The following FBXL20 variants were observed in gnomAD, a reference collection of about 807,000 sequenced individuals.
FBXL20 encodes the protein F-box and leucine rich repeat protein 20.
In FBXL20, 11 loss-of-function variants were observed where a neutral mutation model predicts 64.0. The observed-to-expected ratio is 0.17, with a 90% CI of 0.11 to 0.28. FBXL20 has a LOEUF of 0.28. Ranked by LOEUF, FBXL20 falls within the 10% of genes least tolerant of loss-of-function variation. The pLI is 1.00. For missense variants in FBXL20, 303 were observed against 526.2 expected (o/e 0.58, Z 4.15); for synonymous variants, 184 against 189.0 (o/e 0.97, Z 0.22).
intron 12 of FBXL20, among the ~76,000 whole-genome samples, chr17:39,267,040 G>T (rs1462888076): frequency 2.0e-5 from 3 of 152,056 alleles, no homozygotes; most frequent in Non-Finnish European, 4.4e-5. Flanking sequence ...ATCACCTGAA[G>T]TCAGGAGTTC....
intron 1 of FBXL20, among the ~76,000 whole-genome samples, chr17:39,387,445 A>C (rs1289649728): frequency 6.6e-6 from 1 of 151,740 alleles, no homozygotes; most frequent in South Asian, 2.1e-4. Context: ...ATACCTGGCT[A>C]ATTTTTGTAT....
At chr17:39,376,097 C>T (rs562486844) in intron 1 of FBXL20, among the ~76,000 whole-genome samples, 15 of 151,966 alleles carry the variant, frequency 9.9e-5, no homozygotes, top group Non-Finnish European at 1.9e-4. Context: ...CCAGCCTGGG[C>T]GACAGTGTGA....
At chr17:39,323,613 C>G (rs888474645) in intron 2 of FBXL20, among the ~76,000 whole-genome samples, 1 of 152,112 alleles carries the variant, frequency 6.6e-6, no homozygotes, top group Non-Finnish European at 1.5e-5. Flanking sequence ...AAGAATACTA[C>G]TGACTTAATT....
At chr17:39,366,974 CT>C (rs1293536171) in intron 1 of FBXL20, among the ~76,000 whole-genome samples, 1 of 151,664 alleles carries the variant, frequency 6.6e-6, no homozygotes. Context: ...AGCTCTGCCC[CT>C]GGGTTCACGC....
At chr17:39,303,696 ATTTAT>A in intron 2 of FBXL20, 57 bp from the exon 3 acceptor site, 1 of 1,474,434 alleles carries the variant, frequency 6.8e-7, no homozygotes, top group East Asian at 2.4e-5. Flanking sequence ...GTTGACCTTT[ATTTAT>A]TTTGAGACAG....
At chr17:39,305,009 C>CA (rs1311644163) in intron 2 of FBXL20, among the ~76,000 whole-genome samples, 2 of 152,090 alleles carry the variant, frequency 1.3e-5, no homozygotes, top group Non-Finnish European at 2.9e-5. Flanking sequence ...CGCCCTGTCT[C>CA]AGCCTCCCAA....
upstream of FBXL20, chr17:39,402,225 C>T (rs1282094333): frequency 2.4e-6 from 3 of 1,232,046 alleles, no homozygotes; most frequent in Non-Finnish European, 2.0e-6. Context: ...AGCCATTTTC[C>T]TCCTCTTCTG....
chr17:39,318,746 AAC>A (rs2047321038), intron 2 of FBXL20, among the ~76,000 whole-genome samples: 1 of 152,060 alleles, frequency 6.6e-6, no homozygotes, highest in South Asian at 2.1e-4. Flanking sequence ...ATCTTAAACA[AAC>A]AAACAAACAA....
At chr17:39,335,084 T>C (rs1487957814) in intron 2 of FBXL20, among the ~76,000 whole-genome samples, 1 of 152,208 alleles carries the variant, frequency 6.6e-6, no homozygotes, top group East Asian at 1.9e-4. Flanking sequence ...TTCCCAGGCA[T>C]TGTGAAGACC....
At chr17:39,351,074 C>G (rs575773864) in intron 1 of FBXL20, among the ~76,000 whole-genome samples, 2 of 152,170 alleles carry the variant, frequency 1.3e-5, no homozygotes, top group East Asian at 3.9e-4. Context: ...GTGGCTCACG[C>G]CTGTAATCCC....
At chr17:39,310,378 C>T (rs969256165) in intron 2 of FBXL20, among the ~76,000 whole-genome samples, 2 of 151,952 alleles carry the variant, frequency 1.3e-5, no homozygotes, top group African/African-American at 4.8e-5. Flanking sequence ...GCCATGCATG[C>T]CTGAAGACTT....
intron 10 of FBXL20, among the ~76,000 whole-genome samples, chr17:39,274,344 G>A (rs192091135): frequency 4.0e-4 from 61 of 152,266 alleles, no homozygotes; most frequent in Non-Finnish European, 8.5e-4. Context: ...ATTGAGGCAG[G>A]CATACACAAC....
intron 2 of FBXL20, among the ~76,000 whole-genome samples, chr17:39,310,566 G>A (rs551530292): frequency 5.6e-4 from 85 of 152,166 alleles, no homozygotes; most frequent in African/African-American, 1.9e-3. Flanking sequence ...ACTCAGTGTC[G>A]GGTAGGCACA....
chr17:39,398,231 G>A (rs1172809758), intron 1 of FBXL20, among the ~76,000 whole-genome samples: 1 of 151,998 alleles, frequency 6.6e-6, no homozygotes, highest in Non-Finnish European at 1.5e-5. Context: ...AGTGAGCCGA[G>A]ATCGCACCAT....
At chr17:39,302,907 T>C (rs2082049483) in intron 3 of FBXL20, among the ~76,000 whole-genome samples, 1 of 151,888 alleles carries the variant, frequency 6.6e-6, no homozygotes, top group Admixed American at 6.6e-5. Context: ...CTATCATTGC[T>C]CTGAAACTAT....
chr17:39,333,336 G>A (rs1034881781), intron 2 of FBXL20, among the ~76,000 whole-genome samples: 6 of 152,210 alleles, frequency 3.9e-5, no homozygotes, highest in Non-Finnish European at 7.3e-5. Flanking sequence ...TGGTGGAGAC[G>A]GGGTTTCCCC....
At chr17:39,314,072 A>G (rs1286438581) in intron 2 of FBXL20, among the ~76,000 whole-genome samples, 1 of 152,154 alleles carries the variant, frequency 6.6e-6, no homozygotes, top group East Asian at 1.9e-4. Context: ...CCCTGTACCC[A>G]TTAGCAGTCA....
At chr17:39,386,577 T>C (rs1172695074) in intron 1 of FBXL20, among the ~76,000 whole-genome samples, 3 of 152,100 alleles carry the variant, frequency 2.0e-5, no homozygotes, top group African/African-American at 7.2e-5. Context: ...TGAGCTGAGA[T>C]CACGTCACTG....
In FBXL20 at chr17:39,338,771, T is replaced by C. The variant is rs187278285; in HGVS notation, c.104+4409A>G. Among the ~76,000 whole-genome samples the C allele has an allele frequency of 6.3e-3, 956 of 152,280 alleles. 16 individuals are homozygous for C. The highest frequency in any genetic ancestry group is 0.022 in the African/African-American group (914 of 41,552). On this transcript the variant is annotated intron_variant, in intron 2 of 14. Transcript: ENST00000264658. The stretch of plus-strand genomic sequence containing the variant: ...ATACACCACCATTTCTACAGTATAC[T>C]TGTCAAACTGCATAACTTGAATTTA...
Sources: gnomAD v4.1 joint callset for allele counts (sites outside exome capture counted in the v4.1 genomes callset) on GRCh38, gnomAD v4.1.1 for gene constraint, MANE v1.5 for transcripts, NCBI Gene and HGNC (gene_info 2026-07-23, HGNC 2026-07-21) for gene names.